The following DLGAP2 variants were observed in gnomAD, a reference collection of about 807,000 sequenced individuals.
DLGAP2 encodes DLG associated protein 2.
Under a neutral mutation model 100.3 loss-of-function variants are expected in DLGAP2, and 26 were observed. That is an observed-to-expected ratio of 0.26 (90% CI 0.19 to 0.36). DLGAP2 has a LOEUF of 0.36. Among genes scored for constraint, DLGAP2 ranks in the 10% least tolerant of loss-of-function variants. The pLI is 1.00. For synonymous variants in DLGAP2, 886 were observed against 630.1 expected, an observed-to-expected ratio of 1.41 and a Z score of -6.08; for missense variants, 1,858 against 1,453.2, an observed-to-expected ratio of 1.28 and a Z score of -4.53.
intron 9 of DLGAP2, 40 bp downstream of exon 9, chr8:1,668,718 C>T: frequency 6.8e-7 from 1 of 1,465,816 alleles, no homozygotes; most frequent in Non-Finnish European, 9.1e-7. Context: ...TCGCTCCACT[C>T]AGTCCTGCCA....
intron 2 of DLGAP2, among the ~76,000 whole-genome samples, chr8:1,237,048 A>C (rs1412551135): frequency 7.0e-6 from 1 of 143,792 alleles, no homozygotes; most frequent in Non-Finnish European, 1.5e-5. Flanking sequence ...TAGTTCTCTC[A>C]CATGGCACCA....
At chr8:1,536,182 G>A (rs1050461999) in intron 4 of DLGAP2, among the ~76,000 whole-genome samples, 2 of 152,132 alleles carry the variant, frequency 1.3e-5, no homozygotes, top group Non-Finnish European at 2.9e-5. Context: ...ACAGAAGCCA[G>A]GGCACCGTGG....
chr8:1,350,798 G>C (rs368014918), intron 3 of DLGAP2, among the ~76,000 whole-genome samples: 7 of 37,200 alleles, frequency 1.9e-4, no homozygotes, highest in Non-Finnish European at 2.1e-4. Context: ...CGGGTCCTGA[G>C]TGTGCGTGGA....
chr8:1,664,680 C>G (rs2469688), intron 8 of DLGAP2, among the ~76,000 whole-genome samples: 3 of 152,212 alleles, frequency 2.0e-5, no homozygotes, highest in African/African-American at 7.2e-5. Flanking sequence ...TTCAGTTCGA[C>G]CTGGACATTC....
chr8:942,508 C>G (rs117151154), intron 2 of DLGAP2, among the ~76,000 whole-genome samples: 266 of 152,358 alleles, frequency 1.7e-3, no homozygotes, highest in Admixed American at 3.4e-3. Flanking sequence ...CATCCCAGCT[C>G]TCCTGGGCTT....
intron 2 of DLGAP2, among the ~76,000 whole-genome samples, chr8:912,690 C>G (rs1337597770): frequency 6.6e-6 from 1 of 150,986 alleles, no homozygotes. Flanking sequence ...CTGACCCCCG[C>G]ACCGTGGTGC....
chr8:1,527,091 C>G (rs552689456), intron 4 of DLGAP2, among the ~76,000 whole-genome samples: 56 of 152,294 alleles, frequency 3.7e-4, no homozygotes, highest in African/African-American at 1.3e-3. Flanking sequence ...CAAGCCCACC[C>G]GTTACCACAG....
intron 10 of DLGAP2, among the ~76,000 whole-genome samples, chr8:1,673,712 C>T (rs1040706822): frequency 1.3e-5 from 2 of 152,184 alleles, no homozygotes; most frequent in Admixed American, 1.3e-4. Flanking sequence ...GGTGTCCCCT[C>T]TTTGAAACAA....
chr8:1,586,437 G>A (rs762823614), intron 6 of DLGAP2, among the ~76,000 whole-genome samples: 43 of 152,090 alleles, frequency 2.8e-4, no homozygotes, highest in Admixed American at 2.6e-3. Flanking sequence ...CCTGTCTCAC[G>A]TCCACATCGA....
intron 1 of DLGAP2, chr8:822,110 G>T: frequency 5.0e-6 from 2 of 399,316 alleles, no homozygotes; most frequent in Middle Eastern, 1.3e-3. Context: ...GCCATCCGAG[G>T]CTTGGCCCTA....
At chr8:1,427,800 A>G (rs7830456) in intron 3 of DLGAP2, among the ~76,000 whole-genome samples, 32,377 of 152,196 alleles carry the variant, frequency 0.21, 3,866 homozygotes, top group Middle Eastern at 0.29. Flanking sequence ...CGTAAGTCCA[A>G]TAAGTCTCTT....
At chr8:1,374,991 G>A (rs189299945) in intron 3 of DLGAP2, among the ~76,000 whole-genome samples, 1 of 151,486 alleles carries the variant, frequency 6.6e-6, no homozygotes, top group Non-Finnish European at 1.5e-5. Flanking sequence ...CAGCCGGGGC[G>A]CTGTCCTCAC....
chr8:1,242,901 T>C (rs1476856356), intron 2 of DLGAP2, among the ~76,000 whole-genome samples: 2 of 147,356 alleles, frequency 1.4e-5, no homozygotes, highest in Non-Finnish European at 3.0e-5. Flanking sequence ...AATCCATGGA[T>C]TGACGGATGG....
intron 3 of DLGAP2, among the ~76,000 whole-genome samples, chr8:1,423,378 G>C (rs2129944716): frequency 6.6e-6 from 1 of 152,242 alleles, no homozygotes; most frequent in Admixed American, 6.5e-5. Context: ...TTCTGTCTCT[G>C]GGAGGGGTCT....
intron 4 of DLGAP2, among the ~76,000 whole-genome samples, chr8:1,506,061 G>C (rs1188913942): frequency 6.6e-6 from 1 of 152,148 alleles, no homozygotes; most frequent in Non-Finnish European, 1.5e-5. Flanking sequence ...AATACTTAGA[G>C]CCTTCCACCT....
At chr8:880,348 A>G (rs1229592410) in intron 1 of DLGAP2, among the ~76,000 whole-genome samples, 2 of 152,178 alleles carry the variant, frequency 1.3e-5, no homozygotes, top group African/African-American at 4.8e-5. Flanking sequence ...TCTGTCTCAC[A>G]TGAGACACCA....
chr8:1,114,069 C>A (rs1175502964), intron 2 of DLGAP2, among the ~76,000 whole-genome samples: 2 of 152,116 alleles, frequency 1.3e-5, no homozygotes, highest in Non-Finnish European at 2.9e-5. Flanking sequence ...GGTGGATTAG[C>A]TTTTTGATAT....
chr8:1,607,305 A>G (rs1035396515), intron 6 of DLGAP2, among the ~76,000 whole-genome samples: 1 of 152,204 alleles, frequency 6.6e-6, no homozygotes, highest in Non-Finnish European at 1.5e-5. Context: ...CATCTATCTT[A>G]AAATGTGTAT....
rs563631089 is a variant in DLGAP2 at position 921,986 on chromosome 8, A to G, written c.73+14020A>G. ...GCCGGCTGCAGGCTGCATTTCTGAAACGGCAAATATCTGGGTGGGACACAG... is the reference window on the plus strand; with the variant it reads ...GCCGGCTGCAGGCTGCATTTCTGAAGCGGCAAATATCTGGGTGGGACACAG... On this transcript the variant is annotated intron_variant, in intron 2 of 14. Transcript: ENST00000637795. Among the ~76,000 whole-genome samples, 158 of 152,290 alleles carry G rather than the reference A, an allele frequency of 1.0e-3. 1 individual carries two copies. Among genetic ancestry groups the G allele is most frequent in the African/African-American group, 3.7e-3 (153 of 41,564 alleles).
Sources: gnomAD v4.1 joint callset for allele counts (sites outside exome capture counted in the v4.1 genomes callset) on GRCh38, gnomAD v4.1.1 for gene constraint, MANE v1.5 for transcripts, NCBI Gene and HGNC (gene_info 2026-07-23, HGNC 2026-07-21) for gene names.